The following DPF1 variants were observed in gnomAD, a reference collection of about 807,000 sequenced individuals.
DPF1 encodes the protein zinc finger protein neuro-d4.
In DPF1, 14 loss-of-function variants were observed where a neutral mutation model predicts 58.7. That is an observed-to-expected ratio of 0.24 (90% CI 0.16 to 0.37). The LOEUF (loss-of-function observed/expected upper bound fraction) is 0.37, where lower values mean the gene tolerates loss of function less well. Among genes scored for constraint, DPF1 ranks in the 10% least tolerant of loss-of-function variants. DPF1 has a pLI of 1.00. For synonymous variants in DPF1, 216 were observed against 216.0 expected (o/e 1.00, Z 0.00); for missense variants, 345 against 529.9 (o/e 0.65, Z 3.43).
intron 9 of DPF1, among the ~76,000 whole-genome samples, chr19:38,215,664 G>A (rs1966964679): frequency 6.6e-6 from 1 of 152,068 alleles, no homozygotes; most frequent in Non-Finnish European, 1.5e-5. Flanking sequence ...AAACTCCTGG[G>A]CTCAAGGGAG....
chr19:38,213,537 G>T, intron 10 of DPF1, 107 bp downstream of exon 10: 1 of 888,806 alleles, frequency 1.1e-6, no homozygotes, highest in Non-Finnish European at 1.8e-6. Context: ...ACAGGGGACT[G>T]GTGTTCACCA....
chr19:38,222,722 G>A lies in DPF1; in HGVS notation c.30-14C>T. On this transcript the variant is annotated splice_polypyrimidine_tract_variant and intron_variant, in intron 1 of 11. Coordinates refer to ENST00000355526, the MANE Select transcript of DPF1 (RefSeq NM_001135155.3). This position sits in a 1 kb window ranked among gnomAD's most constrained non-coding sequence, Gnocchi z 4.9. The stretch of plus-strand genomic sequence containing the variant: ...TCCTCGCCTAGGCTAGAGGGGCGGC[G>A]AACGGGCGGGCGGCTGTCAGCAAGG... 3 of 1,572,290 alleles carry A rather than the reference G, an allele frequency of 1.9e-6. No homozygotes were observed. Among genetic ancestry groups the A allele is most frequent in the Admixed American group, 3.6e-5 (2 of 56,090 alleles).
chr19:38,224,524 C>T (rs1967732930), upstream of DPF1, among the ~76,000 whole-genome samples: 1 of 152,204 alleles, frequency 6.6e-6, no homozygotes, highest in African/African-American at 2.4e-5. This position sits in a 1 kb window ranked among gnomAD's most constrained non-coding sequence, Gnocchi z 4.5. Context: ...CACACTCCTA[C>T]TCACACACCT....
At chr19:38,214,380 A>G (rs938991733) in intron 9 of DPF1, among the ~76,000 whole-genome samples, 1 of 152,172 alleles carries the variant, frequency 6.6e-6, no homozygotes, top group Non-Finnish European at 1.5e-5. Context: ...GCCCCCTGCA[A>G]CCACGGCCCC....
At chr19:38,221,934 A>C (rs1033745094) in intron 3 of DPF1, among the ~76,000 whole-genome samples, 3 of 151,794 alleles carry the variant, frequency 2.0e-5, no homozygotes, top group Non-Finnish European at 4.4e-5. Flanking sequence ...ATACAAAATC[A>C]GCCGGGCATG....
chr19:38,220,113 G>A (rs1350324929), intron 3 of DPF1, among the ~76,000 whole-genome samples: 4 of 151,186 alleles, frequency 2.6e-5, no homozygotes, highest in South Asian at 2.1e-4. Flanking sequence ...ACTTGAACCC[G>A]GGATGCGGAG....
chr19:38,222,492 G>A lies in DPF1; in HGVS notation c.191-28C>T, dbSNP rs1967566571. The A allele has an allele frequency of 3.8e-6, 6 of 1,580,954 alleles. No individual in the cohort carries two copies. The African/African-American group carries it at 8.3e-5, about 22-fold the overall frequency. On this transcript the variant is annotated intron_variant, in intron 2 of 11. Transcript: ENST00000355526. This position sits in a 1 kb window ranked among gnomAD's most constrained non-coding sequence, Gnocchi z 4.9. ...GGAGAGAGAGGGGGGTGAGAGGGCG[G>A]CGGCGGTGGGGCGGCCTGGCCCCGC...
chr19:38,222,475 A>AG lies in DPF1; in HGVS notation c.191-12dup, dbSNP rs752111520. 3 of 1,580,414 alleles carry AG rather than the reference A, an allele frequency of 1.9e-6. No individual in the cohort carries two copies. Among genetic ancestry groups the AG allele is most frequent in the South Asian group, 2.3e-5 (2 of 86,454 alleles). On this transcript the variant is annotated splice_polypyrimidine_tract_variant and intron_variant, in intron 2 of 11. Coordinates refer to ENST00000355526, the MANE Select transcript of DPF1 (RefSeq NM_001135155.3). The surrounding 1 kb of genome is among the most constrained non-coding windows in gnomAD (Gnocchi z 4.9). ...GTCCCGGGGCCAAACCTGGAGAGAG[A>AG]GGGGGGTGAGAGGGCGGCGGCGGTG...
chr19:38,216,012 T>A lies in DPF1; in HGVS notation c.898+128A>T, dbSNP rs1487557737. On this transcript the variant is annotated intron_variant, in intron 9 of 11. Coordinates refer to ENST00000355526, the MANE Select transcript of DPF1 (RefSeq NM_001135155.3). ...TTGCATCAGCCTCGCTAGCTCTGGT[T>A]ATCCACAGTATCCCCTACATGCTCC... The A allele has an allele frequency of 2.8e-6, 4 of 1,449,538 alleles. No homozygotes were observed. In the Admixed American group the frequency reaches 9.1e-5, roughly 33 times the overall value. The allele number at this position is 1,449,538 out of a possible 1,614,324, so 89.8% of individuals were successfully genotyped here. A position where few individuals can be genotyped will look rare whatever the true frequency, so the allele number is the denominator to read the frequency against.
intron 9 of DPF1, 52 bp from the exon 10 acceptor site, chr19:38,213,808 G>A (rs983534881): frequency 6.8e-7 from 1 of 1,475,550 alleles, no homozygotes; most frequent in Non-Finnish European, 9.4e-7. Context: ...GCCCCTGGTG[G>A]GCACTGACCG....
chr19:38,223,784 G>C (rs1043826997), intron 1 of DPF1: 2 of 253,314 alleles, frequency 7.9e-6, no homozygotes, highest in African/African-American at 4.5e-5. Flanking sequence ...GACAAAGGTA[G>C]TGTGGACTTC....
chr19:38,217,707 C>A, intron 6 of DPF1, 91 bp downstream of exon 6: 1 of 1,585,736 alleles, frequency 6.3e-7, no homozygotes, highest in Non-Finnish European at 8.6e-7. Flanking sequence ...AGCCTCCCAA[C>A]CCGGGTCTGG....
chr19:38,219,348 A>T, intron 3 of DPF1: 1 of 428,160 alleles, frequency 2.3e-6, no homozygotes, highest in Non-Finnish European at 4.3e-6. Context: ...CAGGGAAGAC[A>T]CAGCGACTCT....
In DPF1 at chr19:38,212,727, C is replaced by T. The variant is rs1168739822; in HGVS notation, c.1012-366G>A. 2.0e-5 allele frequency among the ~76,000 whole-genome samples: 3 copies of T among 151,316 alleles called. No homozygotes were observed. In the South Asian group the frequency reaches 6.3e-4, roughly 32 times the overall value. On this transcript the variant is annotated intron_variant, in intron 10 of 11. Coordinates refer to ENST00000355526, the MANE Select transcript of DPF1 (RefSeq NM_001135155.3). Reference sequence around the variant, plus strand: ...CCTTGGGGCTCAAGTGATTCTCCTGCCTCAGTCTCCTGAGCTGGGACTACA... The same window carrying T: ...CCTTGGGGCTCAAGTGATTCTCCTGTCTCAGTCTCCTGAGCTGGGACTACA...
rs1296280071 is a variant in DPF1, at chr19:38,218,563, G to A, written c.516+10C>T. 5 of 1,613,758 alleles carry A rather than the reference G, an allele frequency of 3.1e-6. No individual in the cohort carries two copies. Among genetic ancestry groups the A allele is most frequent in the Non-Finnish European group, 4.2e-6 (5 of 1,179,726 alleles). ...GGGGAGCGGGGAAGAGGAGAAGCTT[G>A]GGGTGATACCTTTCCTTTGGCCCTG... On this transcript the variant is annotated intron_variant, in intron 5 of 11. Coordinates refer to ENST00000355526, the MANE Select transcript of DPF1 (RefSeq NM_001135155.3).
chr19:38,218,194 C>T (rs949005469), intron 5 of DPF1, among the ~76,000 whole-genome samples: 1 of 151,360 alleles, frequency 6.6e-6, no homozygotes, highest in East Asian at 1.9e-4. Context: ...AGCGAGACTC[C>T]GTCTCAAAAA....
chr19:38,217,310 G>A (rs1967092825), intron 7 of DPF1, 150 bp downstream of exon 7: 6 of 1,087,466 alleles, frequency 5.5e-6, no homozygotes, highest in Non-Finnish European at 7.7e-6. Flanking sequence ...CAACCCCGGA[G>A]CCAGCATCCC....
Position 38,222,333 on chromosome 19 carries a change from G to C in DPF1, c.298+24C>G. The C allele has an allele frequency of 6.4e-7, 1 of 1,573,222 alleles. No individual in the cohort carries two copies. Among genetic ancestry groups the C allele is most frequent in the Non-Finnish European group, 8.6e-7 (1 of 1,162,418 alleles). On this transcript the variant is annotated intron_variant, in intron 3 of 11. Transcript: ENST00000355526. The surrounding 1 kb of genome is among the most constrained non-coding windows in gnomAD (Gnocchi z 4.9). Reference sequence around the variant, plus strand: ...ACACAGCAGGCGCTGGGACACCGATGGGGGCCCCAGCGGCTGCACCCACCG... The same window carrying C: ...ACACAGCAGGCGCTGGGACACCGATCGGGGCCCCAGCGGCTGCACCCACCG...
At chr19:38,218,045 T>C (rs1967168935) in intron 5 of DPF1, among the ~76,000 whole-genome samples, 169 bp from the exon 6 acceptor site, 1 of 151,798 alleles carries the variant, frequency 6.6e-6, no homozygotes, top group African/African-American at 2.4e-5. Context: ...CTACTAAAAA[T>C]AGAAAAATTA....
Sources: gnomAD v4.1 joint callset for allele counts (sites outside exome capture counted in the v4.1 genomes callset) on GRCh38, gnomAD v4.1.1 for gene constraint, Gnocchi (gnomAD v3.1) non-coding constraint, MANE v1.5 for transcripts, NCBI Gene and HGNC (gene_info 2026-07-23, HGNC 2026-07-21) for gene names.